RHOT2: variants seen among roughly 807,000 people sequenced by gnomAD.
The protein encoded by RHOT2 is mitochondrial Rho GTPase 2.
In RHOT2, 90 loss-of-function variants were observed where a neutral mutation model predicts 81.6. That is an observed-to-expected ratio of 1.10 (90% CI 0.93 to 1.31). The LOEUF is 1.31. RHOT2 is among the 40% of genes most tolerant of loss of function. The probability of loss-of-function intolerance (pLI) is 0.00; values close to 1 mark genes in which losing one functional copy is unlikely to be tolerated. For synonymous variants in RHOT2, 512 were observed against 370.9 expected (o/e 1.38, Z -4.37); for missense variants, 1,014 against 841.9 (o/e 1.20, Z -2.53).
intron 11 of RHOT2, 38 bp downstream of exon 11, chr16:671,241 G>T: frequency 6.6e-7 from 1 of 1,520,080 alleles, no homozygotes; most frequent in South Asian, 1.3e-5. Flanking sequence ...CCCTCCCCGA[G>T]GGTCAGGAGC....
Position 672,925 on chromosome 16 carries a change from C to T in RHOT2, c.1528-3C>T. The T allele has an allele frequency of 6.2e-7, 1 of 1,612,816 alleles. No homozygotes were observed. Among genetic ancestry groups the T allele is most frequent in the Non-Finnish European group, 8.5e-7 (1 of 1,179,986 alleles). ...TGTACCTCATACCACTCTCTGCCCA[C>T]AGCACCATTACATGGACGGGCAGAC... is the stretch of plus-strand genomic sequence containing the variant. On this transcript the variant is annotated splice_polypyrimidine_tract_variant and splice_region_variant and intron_variant, in intron 17 of 18. Transcript: ENST00000315082.
At chr16:668,847 A>G (rs1438830274) in intron 4 of RHOT2, 148 bp downstream of exon 4, 1 of 767,884 alleles carries the variant, frequency 1.3e-6, no homozygotes, top group African/African-American at 1.8e-5. Flanking sequence ...CGGGGCCCCT[A>G]CAGCGCACCC....
rs761197691 is a variant in RHOT2, at chr16:670,350, G to A, written c.431G>A (p.Cys144Tyr). The change falls in exon 7 of 19, where the codon TGC becomes TAC. Residue 144 changes from cysteine to tyrosine, a missense_variant. Coordinates refer to ENST00000315082, the MANE Select transcript of RHOT2 (RefSeq NM_138769.3). ...AGCCAGTTTCCCGAGATTGAGACCT[G>A]CGTGGAGGTGAGTAGGTCCCAGGCA... is the stretch of plus-strand genomic sequence containing the variant. The part of the protein sequence containing the change: ...IMSQFPEIET[C>Y]VECSAKNLRN... 9.3e-6 allele frequency: 15 copies of A among 1,612,656 alleles called. No individual in the cohort carries two copies. The African/African-American group carries it at 1.7e-4, about 19-fold the overall frequency.
rs751788364 is a variant in RHOT2, at chr16:671,152, G to A, written c.818G>A (p.Arg273His). 28 of 1,597,896 alleles carry A rather than the reference G, an allele frequency of 1.8e-5. No homozygotes were observed. The highest frequency in any genetic ancestry group is 1.7e-4 in the Middle Eastern group (1 of 5,998). ...GAGACCACCTGGACCATCCTGCGGCGCTTCGGCTACAGCGATGCCCTGGAG... is the reference window on the plus strand; with the variant it reads ...GAGACCACCTGGACCATCCTGCGGCACTTCGGCTACAGCGATGCCCTGGAG... ...RHETTWTILRRFGYSDALELT... is the reference protein window; with the variant it reads ...RHETTWTILRHFGYSDALELT... Residue 273 changes from arginine (R) to histidine (H), a missense_variant, in exon 11 of 19, where the codon CGC (arginine) becomes CAC (histidine). Physicochemically the swap from Arg to His is conservative, Grantham distance 29. Coordinates refer to ENST00000315082, the MANE Select transcript of RHOT2 (RefSeq NM_138769.3).
chr16:668,617 G>T (rs1596482647), intron 3 of RHOT2, 39 bp from the exon 4 acceptor site: 2 of 1,609,504 alleles, frequency 1.2e-6, no homozygotes, highest in Non-Finnish European at 1.7e-6. Context: ...GGTCCGGCGG[G>T]CCTGCTGGGT....
At chr16:670,842 G>A (rs750060146) in intron 9 of RHOT2, 50 bp from the exon 10 acceptor site, 1 of 1,594,072 alleles carries the variant, frequency 6.3e-7, no homozygotes, top group Non-Finnish European at 8.6e-7. Flanking sequence ...ACTGGAACGG[G>A]TCGTCTCCGG....
At chr16:673,336 C>T (rs1181846643) in intron 18 of RHOT2, 144 bp from the exon 19 acceptor site, 3 of 1,349,546 alleles carry the variant, frequency 2.2e-6, no homozygotes, top group Non-Finnish European at 3.1e-6. Context: ...GCATGTCCCT[C>T]CAGGGCCTGG....
Position 670,454 on chromosome 16 carries a change from A to G in RHOT2, c.439-2A>G. 2 of 1,605,328 alleles carry G rather than the reference A, an allele frequency of 1.2e-6. No homozygotes were observed. The highest frequency in any genetic ancestry group is 1.7e-6 in the Non-Finnish European group (2 of 1,175,882). The stretch of plus-strand genomic sequence containing the variant: ...TCCCTGAGGCTGTTCCCACTTTCCC[A>G]GTGTTCGGCCAAGAACCTGAGGAAC... On this transcript the variant is annotated splice_acceptor_variant, in intron 7 of 18. Transcript: ENST00000315082. LOFTEE classifies it high-confidence loss of function.
chr16:670,544 C>G lies in RHOT2; in HGVS notation c.527C>G (p.Pro176Arg). ...CATCCCACAGCCCCCCTCTATGACC[C>G]TGAGGCCAAGCAGGTGAGCATCGGC... is the stretch of plus-strand genomic sequence containing the variant. ...VLHPTAPLYDPEAKQLRPACA... is the reference protein window; with the variant it reads ...VLHPTAPLYDREAKQLRPACA... Residue 176 changes from proline to arginine, a missense_variant, in exon 8 of 19, where the codon CCT (proline) becomes CGT (arginine). Physicochemically the swap from Pro to Arg is moderately radical, Grantham distance 103. Transcript: ENST00000315082. The G allele has an allele frequency of 6.2e-7, 1 of 1,606,098 alleles. No homozygotes were observed. Among genetic ancestry groups the G allele is most frequent in the Non-Finnish European group, 8.5e-7 (1 of 1,176,226 alleles).
chr16:671,243 G>T, intron 11 of RHOT2, 40 bp downstream of exon 11: 1 of 1,515,436 alleles, frequency 6.6e-7, no homozygotes. Flanking sequence ...CTCCCCGAGG[G>T]TCAGGAGCTG....
chr16:670,202 G>T (rs558189561), intron 6 of RHOT2, 27 bp downstream of exon 6: 1 of 1,611,266 alleles, frequency 6.2e-7, no homozygotes, highest in South Asian at 1.1e-5. Context: ...GAAGGGGCTG[G>T]GACCCCTGGC....
rs372705969 is a variant in RHOT2, at chr16:668,588, C to T, written c.178+19C>T. On this transcript the variant is annotated intron_variant, in intron 3 of 18. Transcript: ENST00000315082. Reference sequence around the variant, plus strand: ...TACTCAGGTAGCGGCCGTAGCCTCCCGGGGGCCCGGCCCGCAGCGGTCCGG... The same window carrying T: ...TACTCAGGTAGCGGCCGTAGCCTCCTGGGGGCCCGGCCCGCAGCGGTCCGG... The T allele has an allele frequency of 8.1e-6, 13 of 1,609,990 alleles. No individual in the cohort carries two copies. Among genetic ancestry groups the T allele is most frequent in the Admixed American group, 1.7e-5 (1 of 59,726 alleles).
rs765007812 is a variant in RHOT2 at position 671,380 on chromosome 16, C to T, written c.869+177C>T. On this transcript the variant is annotated intron_variant, in intron 11 of 18. Coordinates refer to ENST00000315082, the MANE Select transcript of RHOT2 (RefSeq NM_138769.3). ...GCCCTTGCCTGGCTGTGCCCTGAAC[C>T]CCTCAGCATCCACAGAGCTCTGAGT... 2.5e-5 allele frequency: 21 copies of T among 833,938 alleles called. No homozygotes were observed. The Middle Eastern group carries it at 1.9e-3, about 75-fold the overall frequency. The allele number at this position is 833,938 out of a possible 1,614,324, so 51.7% of individuals were successfully genotyped here.
chr16:673,502 C>T lies in RHOT2; in HGVS notation c.1753C>T (p.His585Tyr). ...AFPHLVHAEL[H>Y]PSSFWLRGLL... ...CAGACATTTGGTCCACGCAGAGCTG[C>T]ATCCCTCTTCCTTCTGGCTCCGGGG... The change falls in exon 19 of 19, where the codon CAT (histidine) becomes TAT (tyrosine). Residue 585 changes from histidine to tyrosine, a missense_variant. Physicochemically the swap from His to Tyr is moderately conservative, Grantham distance 83. Transcript: ENST00000315082. The T allele has an allele frequency of 6.2e-7, 1 of 1,612,708 alleles. No homozygotes were observed. The highest frequency in any genetic ancestry group is 1.1e-5 in the South Asian group (1 of 91,086).
intron 12 of RHOT2, 29 bp downstream of exon 12, chr16:671,810 G>GGCCCCGC: frequency 6.3e-7 from 1 of 1,586,242 alleles, no homozygotes; most frequent in Non-Finnish European, 8.6e-7. Flanking sequence ...CCCTGCCCCT[G>GGCCCCGC]CCCCCGCCCC....
chr16:671,961 G>A lies in RHOT2; in HGVS notation c.1056G>A (p.Glu352=), dbSNP rs756368427. 10 of 1,612,276 alleles carry A rather than the reference G, an allele frequency of 6.2e-6. No individual in the cohort carries two copies. Among genetic ancestry groups the A allele is most frequent in the Non-Finnish European group, 7.6e-6 (9 of 1,179,808 alleles). The part of the protein sequence containing the change: ...GPELPRTVRT[E]AGRLPLHGYL... ...AGCTCCCACGCACAGTCCGCACAGA[G>A]GCCGGCCGGTTGCCCCTGCACGGAT... The change falls in exon 13 of 19, where the codon GAG becomes GAA. Residue 352 remains glutamate (E), a synonymous_variant. Transcript: ENST00000315082.
chr16:673,862 C>G lies in RHOT2; in HGVS notation c.*256C>G. 1.6e-6 allele frequency: 1 copy of G among 611,454 alleles called. No individual in the cohort carries two copies. Among genetic ancestry groups the G allele is most frequent in the Non-Finnish European group, 3.0e-6 (1 of 335,874 alleles). The allele number at this position is 611,454 out of a possible 1,614,324, so 37.9% of individuals were successfully genotyped here. A position where few individuals can be genotyped will look rare whatever the true frequency, so the allele number is the denominator to read the frequency against. On this transcript the variant is annotated 3_prime_UTR_variant, in exon 19 of 19. Coordinates refer to ENST00000315082, the MANE Select transcript of RHOT2 (RefSeq NM_138769.3). ...GCTCCCAAGTGCCGGCCACCGCTGT[C>G]AGGGATTGCCCACCCCTGGGCATCA... is the stretch of plus-strand genomic sequence containing the variant.
chr16:669,970 C>G, intron 5 of RHOT2, 153 bp from the exon 6 acceptor site: 2 of 683,874 alleles, frequency 2.9e-6, no homozygotes, highest in South Asian at 3.9e-5. Context: ...TGCTGCCTGC[C>G]TTCTCCCACC....
intron 5 of RHOT2, 69 bp downstream of exon 5, chr16:669,675 C>G (rs1351349032): frequency 6.6e-7 from 1 of 1,517,310 alleles, no homozygotes; most frequent in South Asian, 1.1e-5. Context: ...GGACCTTCAC[C>G]CAACCCGTGG....
Sources: gnomAD v4.1 joint callset for allele counts on GRCh38, gnomAD v4.1.1 for gene constraint, MANE v1.5 for transcripts, NCBI Gene and HGNC (gene_info 2026-07-23, HGNC 2026-07-21) for gene names.